Variants in MAP2 observed in about 807,000 individuals in gnomAD.
MAP2 encodes the protein microtubule-associated protein 2.
MAP2 carries 14 observed loss-of-function variants against 137.6 expected under a neutral mutation model. That is an observed-to-expected ratio of 0.10 (90% CI 0.07 to 0.16). The LOEUF is 0.16. Ranked by LOEUF, MAP2 falls within the 10% of genes least tolerant of loss-of-function variation. The pLI is 1.00. For missense variants in MAP2, 2,088 were observed against 2,191.5 expected (o/e 0.95, Z 0.94); for synonymous variants, 786 against 782.3 (o/e 1.00, Z -0.08).
intron 4 of MAP2, among the ~76,000 whole-genome samples, chr2:209,629,525 T>C (rs1282641634): frequency 6.6e-6 from 1 of 152,190 alleles, no homozygotes; most frequent in African/African-American, 2.4e-5. Flanking sequence ...TACTTTGACT[T>C]GCACTGATTA....
Position 209,730,449 on chromosome 2 carries a change from A to C in MAP2, c.*52A>C. The stretch of plus-strand genomic sequence containing the variant: ...TAATATTTAGGCATGAGCTCTTGGC[A>C]GGAGTGGGCTCTGAGCAGTTGTTAT... On this transcript the variant is annotated 3_prime_UTR_variant, in exon 16 of 16. Coordinates refer to ENST00000682079, the MANE Select transcript of MAP2 (RefSeq NM_001375505.1). 6 of 1,323,936 alleles carry C rather than the reference A, an allele frequency of 4.5e-6. No homozygotes were observed. Among genetic ancestry groups the C allele is most frequent in the Non-Finnish European group, 6.5e-6 (6 of 929,436 alleles). 82.0% of individuals were successfully genotyped at this position (1,323,936 alleles called of 1,614,324 possible). A position where few individuals can be genotyped will look rare whatever the true frequency, so the allele number is the denominator to read the frequency against.
At chr2:209,690,550 C>T (rs1446837301) in intron 7 of MAP2, 3 of 1,204,554 alleles carry the variant, frequency 2.5e-6, no homozygotes, top group African/African-American at 1.6e-5. Context: ...ATATTTCTGT[C>T]GTTTCATGTA....
chr2:209,598,162 T>C (rs1189466264), intron 3 of MAP2, among the ~76,000 whole-genome samples: 1 of 151,948 alleles, frequency 6.6e-6, no homozygotes, highest in Non-Finnish European at 1.5e-5. Flanking sequence ...CCCACCACCA[T>C]GCCCGGCTAA....
At position 209,653,235 on chromosome 2, in the gene MAP2, C is replaced by T. The variant is rs1328362135; in HGVS notation, c.65C>T (p.Ala22Val). 1 of 1,614,022 alleles carries T rather than the reference C, an allele frequency of 6.2e-7. No homozygotes were observed. Among genetic ancestry groups the T allele is most frequent in the Non-Finnish European group, 8.5e-7 (1 of 1,179,946 alleles). Reference protein sequence around the residue: ...PHWTSAPLTEASAHSHPPEIK... With the variant: ...PHWTSAPLTEVSAHSHPPEIK... Reference sequence around the variant, plus strand: ...TGGACCTCAGCACCGCTAACAGAGGCATCTGCACACTCACATCCACCTGAG... The same window carrying T: ...TGGACCTCAGCACCGCTAACAGAGGTATCTGCACACTCACATCCACCTGAG... The change falls in exon 5 of 16, where the codon GCA (alanine) becomes GTA (valine). Residue 22 changes from alanine to valine, a missense_variant. Around this residue, in one of 6 missense-constraint regions of MAP2, gnomAD observed 859 missense variants for 794.5 expected, o/e 1.08. Transcript: ENST00000682079.
At chr2:209,493,965 CA>C (rs1238708728) in intron 1 of MAP2, among the ~76,000 whole-genome samples, 1 of 152,128 alleles carries the variant, frequency 6.6e-6, no homozygotes, top group Non-Finnish European at 1.5e-5. Flanking sequence ...ATCATTCTAC[CA>C]TAAAGACACA....
intron 1 of MAP2, among the ~76,000 whole-genome samples, chr2:209,449,911 T>C (rs751222074): frequency 6.6e-6 from 1 of 152,124 alleles, no homozygotes; most frequent in Non-Finnish European, 1.5e-5. Flanking sequence ...ATTTTTTAAG[T>C]CACTTATCTT....
chr2:209,546,025 C>T (rs954021304), intron 2 of MAP2, among the ~76,000 whole-genome samples: 2 of 152,136 alleles, frequency 1.3e-5, no homozygotes, highest in Non-Finnish European at 2.9e-5. Context: ...TACCTGTAGT[C>T]CCAGCTACTT....
chr2:209,440,457 T>A (rs542399353), intron 1 of MAP2, among the ~76,000 whole-genome samples: 2 of 151,496 alleles, frequency 1.3e-5, no homozygotes, highest in Admixed American at 1.3e-4. Flanking sequence ...CGCCCTCTTA[T>A]TGAGTCCTTG....
At chr2:209,473,086 G>T (rs970516598) in intron 1 of MAP2, among the ~76,000 whole-genome samples, 22 of 152,118 alleles carry the variant, frequency 1.4e-4, no homozygotes, top group Admixed American at 1.1e-3. Flanking sequence ...CCTTCTTAAA[G>T]TATGTCACAA....
rs183222978 is a variant in MAP2, at chr2:209,579,133, A to G, written c.-171-903A>G. Among the ~76,000 whole-genome samples, 13 of 152,282 alleles carry G rather than the reference A, an allele frequency of 8.5e-5. No homozygotes were observed. In the East Asian group the frequency reaches 1.9e-3, roughly 23 times the overall value. On this transcript the variant is annotated intron_variant, in intron 2 of 15. Coordinates refer to ENST00000682079, the MANE Select transcript of MAP2 (RefSeq NM_001375505.1). The stretch of plus-strand genomic sequence containing the variant: ...TCTGCCAATGACAAAACATCAACAA[A>G]TCTCTGATGTCCTTAATGCAGATAA...
At chr2:209,471,214 C>T (rs1445938150) in intron 1 of MAP2, among the ~76,000 whole-genome samples, 1 of 152,184 alleles carries the variant, frequency 6.6e-6, no homozygotes, top group Non-Finnish European at 1.5e-5. Flanking sequence ...CCCACTCTCC[C>T]TCTTTCTGGT....
intron 10 of MAP2, among the ~76,000 whole-genome samples, chr2:209,698,314 T>C (rs1243100279): frequency 6.6e-6 from 1 of 152,222 alleles, no homozygotes; most frequent in African/African-American, 2.4e-5. Context: ...TTTTATATGT[T>C]TAATTATACT....
chr2:209,609,926 C>T (rs919451543), intron 3 of MAP2, among the ~76,000 whole-genome samples: 1 of 152,086 alleles, frequency 6.6e-6, no homozygotes, highest in Non-Finnish European at 1.5e-5. Context: ...CTCATTCTTT[C>T]ATATGCGTAA....
At chr2:209,646,782 TTTGTTG>T (rs564612081) in intron 4 of MAP2, among the ~76,000 whole-genome samples, 3 of 151,956 alleles carry the variant, frequency 2.0e-5, no homozygotes, top group Admixed American at 1.3e-4. Flanking sequence ...TCTTCATTCT[TTTGTTG>T]TTGTTGTTGT....
At chr2:209,527,301 T>C (rs1220518487) in intron 2 of MAP2, among the ~76,000 whole-genome samples, 1 of 152,206 alleles carries the variant, frequency 6.6e-6, no homozygotes, top group African/African-American at 2.4e-5. Context: ...AATTATTGTT[T>C]CACCTAACTA....
chr2:209,584,219 G>A (rs1242978403), intron 3 of MAP2, among the ~76,000 whole-genome samples: 1 of 152,062 alleles, frequency 6.6e-6, no homozygotes, highest in African/African-American at 2.4e-5. Flanking sequence ...GGACTCAACA[G>A]GAAATACTTC....
intron 1 of MAP2, among the ~76,000 whole-genome samples, chr2:209,459,369 A>G (rs1702234490): frequency 6.6e-6 from 1 of 152,214 alleles, no homozygotes; most frequent in Non-Finnish European, 1.5e-5. Context: ...GCTAGCTGTC[A>G]TCATCATTAT....
At chr2:209,507,435 A>G (rs1472186580) in intron 1 of MAP2, among the ~76,000 whole-genome samples, 157 bp from the exon 2 acceptor site, 1 of 152,122 alleles carries the variant, frequency 6.6e-6, no homozygotes, top group Non-Finnish European at 1.5e-5. Context: ...TGTATTATAC[A>G]TAACCGTCAC....
chr2:209,472,413 C>G (rs1385486027), intron 1 of MAP2, among the ~76,000 whole-genome samples: 1 of 152,082 alleles, frequency 6.6e-6, no homozygotes, highest in African/African-American at 2.4e-5. Flanking sequence ...GGTACTTGGC[C>G]TGCTGCTTCA....
Sources: gnomAD v4.1 joint callset for allele counts (sites outside exome capture counted in the v4.1 genomes callset) on GRCh38, gnomAD v4.1.1 for gene constraint, gnomAD v4.1.1 regional missense constraint, MANE v1.5 for transcripts, NCBI Gene and HGNC (gene_info 2026-07-23, HGNC 2026-07-21) for gene names.